TRAPPC9: variants seen among roughly 807,000 people sequenced by gnomAD.
The protein encoded by TRAPPC9 is IKK2 binding protein.
A neutral mutation model predicts 124.0 loss-of-function variants in TRAPPC9; 83 were observed. That is an observed-to-expected ratio of 0.67 (90% CI 0.56 to 0.80). TRAPPC9 has a LOEUF of 0.80. Among genes scored for constraint, TRAPPC9 ranks in the 30% least tolerant of loss-of-function variants. The pLI is 0.00. For missense variants in TRAPPC9, 1,302 were observed against 1,508.3 expected (o/e 0.86, Z 2.27); for synonymous variants, 638 against 617.5 (o/e 1.03, Z -0.49).
chr8:140,452,626 G>A (rs564045580), intron 1 of TRAPPC9, among the ~76,000 whole-genome samples: 2 of 151,950 alleles, frequency 1.3e-5, no homozygotes, highest in South Asian at 4.1e-4. Context: ...AAAAGAAAAC[G>A]TTATTACCTG....
Position 140,426,468 on chromosome 8 carries a change from C to T in TRAPPC9, c.886+147G>A. 5 of 870,796 alleles carry T rather than the reference C, an allele frequency of 5.7e-6. No homozygotes were observed. In the South Asian group the frequency reaches 6.1e-5, roughly 11 times the overall value. The allele number at this position is 870,796 out of a possible 1,614,324, so 53.9% of individuals were successfully genotyped here. ...AAGCAAGGACCCACCAATCAATCAT[C>T]AAGCTTTTAACAGTTCTGATTTAAA... On this transcript the variant is annotated intron_variant, in intron 5 of 22. Transcript: ENST00000438773.
At chr8:140,427,404 CAT>C (rs1491032624) in intron 4 of TRAPPC9, among the ~76,000 whole-genome samples, 9 of 151,628 alleles carry the variant, frequency 5.9e-5, no homozygotes, top group African/African-American at 1.2e-4. Context: ...CACACACACA[CAT>C]ACACACACAG....
chr8:139,906,614 C>T (rs1456647383), intron 20 of TRAPPC9, among the ~76,000 whole-genome samples: 10 of 152,176 alleles, frequency 6.6e-5, no homozygotes, highest in African/African-American at 2.4e-4. Flanking sequence ...GGGACAGGCA[C>T]TCAGAGGCCA....
At chr8:139,940,086 G>A (rs1002466886) in intron 19 of TRAPPC9, among the ~76,000 whole-genome samples, 12 of 152,204 alleles carry the variant, frequency 7.9e-5, no homozygotes, top group Non-Finnish European at 7.3e-5. Flanking sequence ...CTGGCCACAC[G>A]TCTGGGATTC....
At chr8:140,051,804 G>A (rs1842023087) in intron 17 of TRAPPC9, among the ~76,000 whole-genome samples, 1 of 152,082 alleles carries the variant, frequency 6.6e-6, no homozygotes, top group Non-Finnish European at 1.5e-5. Context: ...TATGTGGAGA[G>A]GACTAATGAG....
chr8:139,890,361 G>A (rs1041310967), intron 20 of TRAPPC9, among the ~76,000 whole-genome samples: 3 of 152,234 alleles, frequency 2.0e-5, no homozygotes, highest in Non-Finnish European at 4.4e-5. Flanking sequence ...TGCAGAGGTT[G>A]AGCTTGCTCC....
At chr8:140,304,842 G>T (rs1588126541) in intron 10 of TRAPPC9, among the ~76,000 whole-genome samples, 1 of 152,258 alleles carries the variant, frequency 6.6e-6, no homozygotes, top group South Asian at 2.1e-4. Flanking sequence ...TGGCAGCAGG[G>T]GGGCTAACGC....
chr8:140,166,149 T>C (rs567577740), intron 17 of TRAPPC9, among the ~76,000 whole-genome samples: 352 of 152,294 alleles, frequency 2.3e-3, no homozygotes, highest in Non-Finnish European at 3.2e-3. Flanking sequence ...CCAAAAGGCA[T>C]GACCGAAAGC....
chr8:140,316,959 T>G (rs1451542948), intron 9 of TRAPPC9, among the ~76,000 whole-genome samples: 1 of 152,228 alleles, frequency 6.6e-6, no homozygotes, highest in Admixed American at 6.5e-5. Flanking sequence ...AGATTGTATG[T>G]GTCCACGCAG....
At chr8:140,021,039 A>C (rs1237934199) in intron 18 of TRAPPC9, among the ~76,000 whole-genome samples, 1 of 152,168 alleles carries the variant, frequency 6.6e-6, no homozygotes, top group Non-Finnish European at 1.5e-5. Context: ...TTGGCATCTT[A>C]CTTTCTTGTA....
intron 21 of TRAPPC9, among the ~76,000 whole-genome samples, chr8:139,756,437 G>T (rs1819789046): frequency 6.3e-5 from 8 of 126,988 alleles, no homozygotes; most frequent in East Asian, 2.5e-4. Flanking sequence ...AGGGTTTGGG[G>T]ATGAGGACAG....
At chr8:140,415,988 A>T (rs1311287957) in intron 5 of TRAPPC9, among the ~76,000 whole-genome samples, 3 of 152,196 alleles carry the variant, frequency 2.0e-5, no homozygotes, top group African/African-American at 7.2e-5. Flanking sequence ...GCTCATGTCA[A>T]CAACCTAAGA....
At chr8:140,083,900 C>T (rs563592249) in intron 17 of TRAPPC9, among the ~76,000 whole-genome samples, 113 of 152,156 alleles carry the variant, frequency 7.4e-4, no homozygotes, top group Admixed American at 5.2e-4. Flanking sequence ...CTCCTGACCT[C>T]GTGATCCGCC....
intron 8 of TRAPPC9, among the ~76,000 whole-genome samples, chr8:140,363,996 A>G (rs547282872): frequency 6.6e-6 from 1 of 152,320 alleles, no homozygotes; most frequent in Admixed American, 6.5e-5. Context: ...ATGAAAGAGA[A>G]AAATAAAACA....
intron 17 of TRAPPC9, among the ~76,000 whole-genome samples, chr8:140,123,648 C>T (rs2061028829): frequency 6.6e-6 from 1 of 152,246 alleles, no homozygotes; most frequent in Non-Finnish European, 1.5e-5. Context: ...TCGCACATCA[C>T]TCATCAAAAA....
rs753429830 is a variant in TRAPPC9 at position 140,252,856 on chromosome 8, C to G, written c.2352G>C (p.Lys784Asn). Reference sequence around the variant, plus strand: ...TGATGTTGATTGTGAACGTGGCCACCTTCCCAGGCTGCAAAGGGAACTGGG... The same window carrying G: ...TGATGTTGATTGTGAACGTGGCCACGTTCCCAGGCTGCAAAGGGAACTGGG... Reference protein sequence around the residue: ...TLAQFPLQPGKVATFTINIKV... With the variant: ...TLAQFPLQPGNVATFTINIKV... The change falls in exon 16 of 23, where the codon AAG becomes AAC. Residue 784 changes from lysine (K) to asparagine (N), a missense_variant. By Grantham distance (94) the Lys-to-Asn change is moderately conservative. Around this residue, in one of 3 missense-constraint regions of TRAPPC9, gnomAD observed 640 missense variants for 679.3 expected, o/e 0.94. Coordinates refer to ENST00000438773, the MANE Select transcript of TRAPPC9 (RefSeq NM_001160372.4). The surrounding 1 kb of genome is among the most constrained non-coding windows in gnomAD (Gnocchi z 4.2). 3 of 1,614,016 alleles carry G rather than the reference C, an allele frequency of 1.9e-6. No homozygotes were observed. The highest frequency in any genetic ancestry group is 1.3e-5 in the African/African-American group (1 of 74,922).
chr8:139,741,167 TC>T (rs1325487625), intron 21 of TRAPPC9, among the ~76,000 whole-genome samples: 1 of 151,676 alleles, frequency 6.6e-6, no homozygotes, highest in African/African-American at 2.4e-5. Flanking sequence ...GGCATGATGC[TC>T]CCCCTGGGTG....
intron 19 of TRAPPC9, among the ~76,000 whole-genome samples, chr8:139,980,706 G>A (rs565505481): frequency 6.6e-5 from 10 of 152,336 alleles, no homozygotes; most frequent in African/African-American, 1.2e-4. Flanking sequence ...AAGCCAGCTC[G>A]GGGCGGAGTT....
chr8:139,734,133 T>G (rs913605947), intron 21 of TRAPPC9, among the ~76,000 whole-genome samples: 1 of 152,196 alleles, frequency 6.6e-6, no homozygotes, highest in African/African-American at 2.4e-5. Context: ...CTGTCTCCTC[T>G]GCCATCCAGG....
Sources: allele counts gnomAD v4.1 joint callset (sites outside exome capture counted in the v4.1 genomes callset), GRCh38; gene constraint gnomAD v4.1.1; regional missense constraint gnomAD v4.1.1; non-coding constraint Gnocchi (gnomAD v3.1); transcripts MANE v1.5; gene names NCBI Gene and HGNC (gene_info 2026-07-23, HGNC 2026-07-21).